Variants in CACNA2D2 observed in about 807,000 individuals in gnomAD.
CACNA2D2 encodes the protein voltage-dependent calcium channel subunit alpha-2/delta-2.
CACNA2D2 carries 48 observed loss-of-function variants against 166.4 expected under a neutral mutation model. That is an observed-to-expected ratio of 0.29 (90% CI 0.23 to 0.37). The LOEUF is 0.37. Ranked by LOEUF, CACNA2D2 falls within the 10% of genes least tolerant of loss-of-function variation. The pLI, the probability that CACNA2D2 is intolerant of heterozygous loss-of-function variation, is 1.00. For synonymous variants in CACNA2D2, 561 were observed against 573.7 expected (o/e 0.98, Z 0.32); for missense variants, 1,122 against 1,433.0 (o/e 0.78, Z 3.50).
At chr3:50,406,638 C>A (rs1341612180) in intron 3 of CACNA2D2, among the ~76,000 whole-genome samples, 4 of 151,810 alleles carry the variant, frequency 2.6e-5, no homozygotes, top group Non-Finnish European at 4.4e-5. Context: ...TTACTCCCAT[C>A]ACCATCAGCT....
chr3:50,487,758 C>T (rs1001558028), intron 1 of CACNA2D2, among the ~76,000 whole-genome samples: 4 of 152,156 alleles, frequency 2.6e-5, no homozygotes, highest in African/African-American at 4.8e-5. Flanking sequence ...GGTGGCTGAA[C>T]CAGCAGGTCA....
intron 3 of CACNA2D2, among the ~76,000 whole-genome samples, chr3:50,406,894 GA>G (rs1211185571): frequency 1.3e-5 from 2 of 151,842 alleles, no homozygotes; most frequent in Non-Finnish European, 2.9e-5. Flanking sequence ...AGAGTCTGAT[GA>G]AGAGACAGAG....
chr3:50,487,937 G>T (rs1335656415), intron 1 of CACNA2D2, among the ~76,000 whole-genome samples: 1 of 152,126 alleles, frequency 6.6e-6, no homozygotes, highest in Non-Finnish European at 1.5e-5. Context: ...GCAGATGCAG[G>T]CCTGTCCTTG....
intron 3 of CACNA2D2, among the ~76,000 whole-genome samples, chr3:50,413,575 G>A (rs1707127483): frequency 6.6e-6 from 1 of 152,122 alleles, no homozygotes; most frequent in African/African-American, 2.4e-5. Flanking sequence ...GGCTGAGCAT[G>A]GTGGCTCACC....
At chr3:50,442,025 G>A (rs980316461) in intron 2 of CACNA2D2, among the ~76,000 whole-genome samples, 3 of 152,236 alleles carry the variant, frequency 2.0e-5, no homozygotes, top group African/African-American at 4.8e-5. Context: ...AGCAAGCACC[G>A]TGGCTGGATT....
chr3:50,463,775 G>A (rs368423220), intron 2 of CACNA2D2, among the ~76,000 whole-genome samples: 2 of 152,240 alleles, frequency 1.3e-5, no homozygotes, highest in East Asian at 3.8e-4. Flanking sequence ...CTCCTTGTAT[G>A]GGACAGACAT....
At position 50,376,551 on chromosome 3, in the gene CACNA2D2, T is replaced by C. The variant is rs1480902135; in HGVS notation, c.1627-363A>G. Among the ~76,000 whole-genome samples the C allele has an allele frequency of 6.6e-6, 1 of 152,172 alleles. No homozygotes were observed. Among genetic ancestry groups the C allele is most frequent in the African/African-American group, 2.4e-5 (1 of 41,446 alleles). ...GCCCTCCTCTAGCCACTACTGCCCC[T>C]GATTTGTGCCTCCTCCTTGTCCCCA... On this transcript the variant is annotated intron_variant, in intron 17 of 37. Transcript: ENST00000424201. The surrounding 1 kb of genome is among the most constrained non-coding windows in gnomAD (Gnocchi z 4.3).
chr3:50,493,642 CAT>C (rs1474424939), intron 1 of CACNA2D2, among the ~76,000 whole-genome samples: 6 of 152,254 alleles, frequency 3.9e-5, no homozygotes, highest in Non-Finnish European at 7.3e-5. Flanking sequence ...ACCCACCACA[CAT>C]GATAAGCACA....
intron 3 of CACNA2D2, among the ~76,000 whole-genome samples, chr3:50,409,852 C>T (rs1706909106): frequency 6.6e-6 from 1 of 152,150 alleles, no homozygotes; most frequent in African/African-American, 2.4e-5. Flanking sequence ...TGGGGATGGA[C>T]CCAGCGGGCA....
In CACNA2D2 at chr3:50,364,546, C is replaced by T. The variant is rs1575576484; in HGVS notation, c.*120G>A. 4 of 1,253,036 alleles carry T rather than the reference C, an allele frequency of 3.2e-6. No individual in the cohort carries two copies. The East Asian group carries it at 1.0e-4, about 32-fold the overall frequency. 77.6% of individuals were successfully genotyped at this position (1,253,036 alleles called of 1,614,324 possible). Reference sequence around the variant, plus strand: ...GCAGACCAGACTCTCAGGGCCTGGCCAGCTCAGGTCCTTCAGTGAGGGAGG... The same window carrying T: ...GCAGACCAGACTCTCAGGGCCTGGCTAGCTCAGGTCCTTCAGTGAGGGAGG... On this transcript the variant is annotated 3_prime_UTR_variant, in exon 38 of 38. Transcript: ENST00000424201.
intron 3 of CACNA2D2, among the ~76,000 whole-genome samples, chr3:50,407,762 C>T (rs1401972445): frequency 6.6e-6 from 1 of 152,122 alleles, no homozygotes; most frequent in Non-Finnish European, 1.5e-5. Flanking sequence ...GCACATAAAC[C>T]CTATGGGAGA....
intron 3 of CACNA2D2, among the ~76,000 whole-genome samples, chr3:50,418,640 C>T (rs1454360334): frequency 6.6e-6 from 1 of 152,210 alleles, no homozygotes; most frequent in African/African-American, 2.4e-5. Flanking sequence ...GTGCAGGGAT[C>T]TTTGTTCTAG....
At chr3:50,408,646 G>A (rs550186901) in intron 3 of CACNA2D2, among the ~76,000 whole-genome samples, 1 of 152,230 alleles carries the variant, frequency 6.6e-6, no homozygotes, top group Non-Finnish European at 1.5e-5. Flanking sequence ...CATTTAAGGC[G>A]TTTGTCAGAG....
intron 2 of CACNA2D2, among the ~76,000 whole-genome samples, chr3:50,438,876 G>C (rs1357953185): frequency 6.6e-6 from 1 of 152,244 alleles, no homozygotes; most frequent in African/African-American, 2.4e-5. Flanking sequence ...GAAGGGCCAA[G>C]GAAGCTGCAG....
intron 2 of CACNA2D2, among the ~76,000 whole-genome samples, chr3:50,470,867 G>A (rs115517407): frequency 0.032 from 4,904 of 152,152 alleles, 258 homozygotes; most frequent in African/African-American, 0.11. Flanking sequence ...TCGAGCAGCG[G>A]CCTCACCACG....
At chr3:50,409,755 G>C (rs1031412734) in intron 3 of CACNA2D2, among the ~76,000 whole-genome samples, 1 of 152,206 alleles carries the variant, frequency 6.6e-6, no homozygotes, top group African/African-American at 2.4e-5. Flanking sequence ...GATTAGCCCA[G>C]GAGACACCCT....
At chr3:50,431,589 G>A (rs1157555357) in intron 3 of CACNA2D2, among the ~76,000 whole-genome samples, 1 of 152,184 alleles carries the variant, frequency 6.6e-6, no homozygotes, top group East Asian at 1.9e-4. Context: ...GGTAGCCAGG[G>A]CTTCCTTCTC....
chr3:50,429,246 T>C (rs1707946282), intron 3 of CACNA2D2, among the ~76,000 whole-genome samples: 1 of 152,006 alleles, frequency 6.6e-6, no homozygotes, highest in East Asian at 1.9e-4. Context: ...AAATAAACCC[T>C]GGTTTTGCTG....
chr3:50,429,002 C>T (rs1324617563), intron 3 of CACNA2D2, among the ~76,000 whole-genome samples: 2 of 151,534 alleles, frequency 1.3e-5, no homozygotes, highest in Non-Finnish European at 2.9e-5. Flanking sequence ...GGCCGAGGCG[C>T]GCAGGTTGCC....
Sources: gnomAD v4.1 joint callset for allele counts (sites outside exome capture counted in the v4.1 genomes callset) on GRCh38, gnomAD v4.1.1 for gene constraint, Gnocchi (gnomAD v3.1) non-coding constraint, MANE v1.5 for transcripts, NCBI Gene and HGNC (gene_info 2026-07-23, HGNC 2026-07-21) for gene names.